Variants in HMCN1 observed in about 807,000 individuals in gnomAD.
HMCN1 encodes the protein hemicentin-1.
In HMCN1, 321 loss-of-function variants were observed where a neutral mutation model predicts 625.9. The ratio of observed to expected loss-of-function variants is 0.51; its 90% CI spans 0.47 to 0.56. The LOEUF (loss-of-function observed/expected upper bound fraction) is 0.56, where lower values mean the gene tolerates loss of function less well. Ranked by LOEUF, HMCN1 falls within the 20% of genes least tolerant of loss-of-function variation. The probability of loss-of-function intolerance (pLI) is 0.00; values close to 1 mark genes in which losing one functional copy is unlikely to be tolerated. For synonymous variants in HMCN1, 2,425 were observed against 2,417.6 expected, an observed-to-expected ratio of 1.00 and a Z score of -0.09; for missense variants, 6,588 against 6,887.3, an observed-to-expected ratio of 0.96 and a Z score of 1.54.
chr1:185,919,332 G>C (rs1285410737), intron 6 of HMCN1, among the ~76,000 whole-genome samples: 2 of 152,070 alleles, frequency 1.3e-5, no homozygotes, highest in Non-Finnish European at 2.9e-5. Context: ...AAGCTTTCTT[G>C]CTTATGTTCT....
At position 186,095,465 on chromosome 1, in the gene HMCN1, G is replaced by A. The variant is rs754551816; in HGVS notation, c.10517G>A (p.Cys3506Tyr). Residue 3506 changes from cysteine to tyrosine, a missense_variant, in exon 68 of 107, where the codon TGC (cysteine) becomes TAC (tyrosine). Cys to Tyr is a radical substitution (Grantham distance 194). Transcript: ENST00000271588. ...AETEDSGKYT[C>Y]IASNEAGEVS... ...ACTGAAGATTCGGGAAAGTACACCT[G>A]CATTGCCTCAAATGAAGCTGGAGAA... is the stretch of plus-strand genomic sequence containing the variant. 4 of 1,613,572 alleles carry A rather than the reference G, an allele frequency of 2.5e-6. No individual in the cohort carries two copies. In the Admixed American group the frequency reaches 5.0e-5, roughly 20 times the overall value.
In HMCN1 at chr1:185,970,388, C is replaced by T. The variant is rs754608294; in HGVS notation, c.2266C>T (p.Leu756Phe). Residue 756 changes from leucine (L) to phenylalanine (F), a missense_variant, in exon 15 of 107, where the codon CTT becomes TTT. This residue lies in a region of HMCN1 where 4,628 missense variants were observed against 4,853.1 expected (regional missense o/e 0.95). Transcript: ENST00000271588. ...TFLIIDPLLG[L>F]LKIQETQDLD... ...CCTCATTATTGACCCTCTCTTGGGA[C>T]TTTTGAAGATTCAAGAAACACAAGA... is the stretch of plus-strand genomic sequence containing the variant. The T allele has an allele frequency of 9.9e-6, 16 of 1,613,518 alleles. No individual in the cohort carries two copies. Among genetic ancestry groups the T allele is most frequent in the African/African-American group, 5.3e-5 (4 of 74,906 alleles).
intron 55 of HMCN1, among the ~76,000 whole-genome samples, chr1:186,079,612 T>C (rs1438698323): frequency 6.6e-6 from 1 of 152,178 alleles, no homozygotes; most frequent in Non-Finnish European, 1.5e-5. Flanking sequence ...AACACATCCA[T>C]GTACCTTACA....
At chr1:186,061,085 C>T (rs757197692) in intron 46 of HMCN1, among the ~76,000 whole-genome samples, 18 of 152,098 alleles carry the variant, frequency 1.2e-4, no homozygotes, top group African/African-American at 1.9e-4. Flanking sequence ...CCACTTCTCA[C>T]ACCTACTTTC....
At chr1:186,043,207 A>G (rs1214273883) in intron 40 of HMCN1, among the ~76,000 whole-genome samples, 6 of 152,134 alleles carry the variant, frequency 3.9e-5, no homozygotes, top group African/African-American at 1.4e-4. Flanking sequence ...CAGGTCCAGA[A>G]CACATCCCTT....
intron 49 of HMCN1, among the ~76,000 whole-genome samples, chr1:186,067,620 G>A (rs947171088): frequency 2.6e-4 from 39 of 151,808 alleles, no homozygotes; most frequent in African/African-American, 9.2e-4. Flanking sequence ...GTTTTTTTAT[G>A]TGTTATGGTT....
At chr1:185,836,795 C>T (rs1661197235) in intron 1 of HMCN1, among the ~76,000 whole-genome samples, 1 of 152,014 alleles carries the variant, frequency 6.6e-6, no homozygotes, top group African/African-American at 2.4e-5. Context: ...CCTCCACCTT[C>T]AAGTAGACCT....
At chr1:185,838,966 A>G (rs1661328782) in intron 1 of HMCN1, among the ~76,000 whole-genome samples, 2 of 152,162 alleles carry the variant, frequency 1.3e-5, no homozygotes, top group South Asian at 4.1e-4. Context: ...TGATTCCCCT[A>G]TTTTGTGAAT....
At chr1:186,116,192 T>A (rs1452262694) in intron 75 of HMCN1, among the ~76,000 whole-genome samples, 1 of 152,166 alleles carries the variant, frequency 6.6e-6, no homozygotes, top group Non-Finnish European at 1.5e-5. Context: ...AAGTATACAC[T>A]GTATGGAAAA....
intron 1 of HMCN1, among the ~76,000 whole-genome samples, chr1:185,805,617 A>G (rs545864337): frequency 1.4e-4 from 22 of 152,320 alleles, no homozygotes; most frequent in Middle Eastern, 6.8e-3. Context: ...GTTACTTTAG[A>G]GAAACATTTT....
intron 17 of HMCN1, among the ~76,000 whole-genome samples, chr1:185,981,311 T>C (rs926124080): frequency 3.3e-5 from 5 of 151,742 alleles, no homozygotes; most frequent in Admixed American, 1.3e-4. Flanking sequence ...CAAATCTAAA[T>C]ATGAATACAC....
intron 11 of HMCN1, chr1:185,956,971 G>A (rs2102546343): frequency 6.6e-6 from 1 of 152,178 alleles, no homozygotes; most frequent in East Asian, 1.9e-4. Context: ...CTTGCACAGA[G>A]GGAAAAACAT....
intron 86 of HMCN1, among the ~76,000 whole-genome samples, chr1:186,133,019 G>A (rs1055529035): frequency 7.9e-5 from 12 of 152,022 alleles, no homozygotes; most frequent in African/African-American, 2.4e-4. Flanking sequence ...TATGTGCCAC[G>A]TTTTCTTAAT....
intron 10 of HMCN1, among the ~76,000 whole-genome samples, chr1:185,930,762 A>C (rs1249056142): frequency 6.6e-6 from 1 of 152,184 alleles, no homozygotes; most frequent in Admixed American, 6.6e-5. Context: ...CTTTTATTGA[A>C]TATAAACACA....
chr1:185,841,042 C>T (rs1661445384), intron 1 of HMCN1, among the ~76,000 whole-genome samples: 1 of 152,126 alleles, frequency 6.6e-6, no homozygotes, highest in African/African-American at 2.4e-5. Context: ...GGATATTGAT[C>T]TTGCCAAATG....
chr1:185,812,334 A>G (rs1659574716), intron 1 of HMCN1, among the ~76,000 whole-genome samples: 1 of 152,174 alleles, frequency 6.6e-6, no homozygotes, highest in South Asian at 2.1e-4. Context: ...TACATACACA[A>G]GAGACTGCAT....
At chr1:186,002,957 G>T (rs1240842384) in intron 28 of HMCN1, among the ~76,000 whole-genome samples, 1 of 152,082 alleles carries the variant, frequency 6.6e-6, no homozygotes, top group Non-Finnish European at 1.5e-5. Context: ...ATCCTTCTGT[G>T]AAAGTCTATC....
In HMCN1 at chr1:185,977,670, A is replaced by G; in HGVS notation, c.2372-117A>G. ...AGGAATATCAACAGGGTAAATTTACAATATAATATGAACAATAATTCAAAT... is the reference window on the plus strand; with the variant it reads ...AGGAATATCAACAGGGTAAATTTACGATATAATATGAACAATAATTCAAAT... On this transcript the variant is annotated intron_variant, in intron 15 of 106. Transcript: ENST00000271588. 4.0e-6 allele frequency: 3 copies of G among 752,174 alleles called. No individual in the cohort carries two copies. The East Asian group carries it at 8.0e-5, about 20-fold the overall frequency. 46.6% of individuals were successfully genotyped at this position (752,174 alleles called of 1,614,324 possible).
At chr1:185,895,658 A>G (rs1037728398) in intron 4 of HMCN1, among the ~76,000 whole-genome samples, 1 of 152,228 alleles carries the variant, frequency 6.6e-6, no homozygotes, top group Non-Finnish European at 1.5e-5. Context: ...GGATCAGTGC[A>G]GGTTTATGTA....
Sources: gnomAD v4.1 joint callset for allele counts (sites outside exome capture counted in the v4.1 genomes callset) on GRCh38, gnomAD v4.1.1 for gene constraint, gnomAD v4.1.1 regional missense constraint, MANE v1.5 for transcripts, NCBI Gene and HGNC (gene_info 2026-07-23, HGNC 2026-07-21) for gene names.